The following FMN1 variants were observed in gnomAD, a reference collection of about 807,000 sequenced individuals.
FMN1 encodes formin-1.
FMN1 carries 110 observed loss-of-function variants against 132.4 expected under a neutral mutation model. That is an observed-to-expected ratio of 0.83 (90% CI 0.71 to 0.97). The LOEUF (loss-of-function observed/expected upper bound fraction) is 0.97. FMN1 is among the 50% of genes least tolerant of loss of function. FMN1 has a pLI of 0.00. For missense variants in FMN1, 1,792 were observed against 1,705.3 expected, an observed-to-expected ratio of 1.05 and a Z score of -0.90; for synonymous variants, 722 against 651.7, an observed-to-expected ratio of 1.11 and a Z score of -1.64.
At position 32,826,858 on chromosome 15, in the gene FMN1, A is replaced by G. The variant is rs534195284; in HGVS notation, c.3929-22526T>C. Among the ~76,000 whole-genome samples the G allele has an allele frequency of 1.6e-4, 24 of 152,324 alleles. No individual in the cohort carries two copies. In the East Asian group the frequency reaches 1.9e-3, roughly 12 times the overall value. On this transcript the variant is annotated intron_variant, in intron 17 of 20. Transcript: ENST00000616417. ...AGTTTTCCTAGCGCTGGCTCTTTCC[A>G]AAGCTACTCATTCTTATCTCCTTCA... is the stretch of plus-strand genomic sequence containing the variant.
intron 4 of FMN1, among the ~76,000 whole-genome samples, chr15:33,096,749 T>C (rs766299588): frequency 1.3e-5 from 2 of 152,044 alleles, no homozygotes; most frequent in African/African-American, 2.4e-5. Context: ...TGGGACCACA[T>C]GCACCACCAT....
intron 17 of FMN1, among the ~76,000 whole-genome samples, chr15:32,836,818 T>C (rs2058637639): frequency 1.3e-5 from 2 of 152,194 alleles, no homozygotes; most frequent in African/African-American, 4.8e-5. Context: ...AGTTTTCTGC[T>C]TCAAATACAA....
At chr15:32,809,170 G>A (rs2057785247) in intron 17 of FMN1, among the ~76,000 whole-genome samples, 2 of 152,102 alleles carry the variant, frequency 1.3e-5, no homozygotes, top group African/African-American at 4.8e-5. Context: ...ATGGAGTTCT[G>A]TAATCTTTGA....
At chr15:32,881,283 G>GTT (rs2059763946) in intron 16 of FMN1, among the ~76,000 whole-genome samples, 1 of 151,690 alleles carries the variant, frequency 6.6e-6, no homozygotes, top group South Asian at 2.1e-4. Flanking sequence ...TGTGGTACAT[G>GTT]TAAGTCTTAT....
intron 17 of FMN1, among the ~76,000 whole-genome samples, chr15:32,845,192 A>G (rs1423314844): frequency 6.6e-6 from 1 of 152,246 alleles, no homozygotes; most frequent in East Asian, 1.9e-4. Context: ...ATAGTTGTCA[A>G]GAATCCAAAG....
intron 19 of FMN1, among the ~76,000 whole-genome samples, chr15:32,786,493 G>A (rs191028843): frequency 6.1e-4 from 93 of 152,138 alleles, no homozygotes; most frequent in African/African-American, 2.1e-3. Flanking sequence ...CAGAAAAGGG[G>A]TATATAGAGC....
intron 4 of FMN1, chr15:33,149,957 G>A (rs1209570594): frequency 2.0e-6 from 2 of 984,692 alleles, no homozygotes; most frequent in African/African-American, 1.7e-5. Context: ...CTCTTAATAA[G>A]TTGACATTAA....
At chr15:33,111,280 G>C (rs2039693148) in intron 4 of FMN1, among the ~76,000 whole-genome samples, 1 of 152,046 alleles carries the variant, frequency 6.6e-6, no homozygotes, top group African/African-American at 2.4e-5. Flanking sequence ...ACCTCAGTAG[G>C]ATACCACTTC....
chr15:32,797,676 A>C (rs1002858029), intron 19 of FMN1, among the ~76,000 whole-genome samples: 1 of 152,156 alleles, frequency 6.6e-6, no homozygotes, highest in South Asian at 2.1e-4. Flanking sequence ...TGATGGGAAG[A>C]TGTGTTGATA....
At chr15:32,991,784 C>T (rs78125868) in intron 7 of FMN1, among the ~76,000 whole-genome samples, 2,077 of 152,222 alleles carry the variant, frequency 0.014, 44 homozygotes, top group African/African-American at 0.048. Flanking sequence ...CAAGGGCAAA[C>T]AATGTGGAGG....
intron 16 of FMN1, among the ~76,000 whole-genome samples, chr15:32,887,011 C>T (rs189026232): frequency 1.1e-4 from 17 of 152,012 alleles, no homozygotes; most frequent in Non-Finnish European, 1.3e-4. Flanking sequence ...AAAAAACCCA[C>T]GTTCCTTTAA....
intron 5 of FMN1, among the ~76,000 whole-genome samples, chr15:33,081,160 AG>A (rs2038439814): frequency 1.3e-5 from 2 of 152,154 alleles, no homozygotes; most frequent in Non-Finnish European, 2.9e-5. Flanking sequence ...GGTTCCATTA[AG>A]ACAAGAGCCT....
At chr15:32,855,567 A>G (rs1176783308) in intron 17 of FMN1, among the ~76,000 whole-genome samples, 1 of 152,230 alleles carries the variant, frequency 6.6e-6, no homozygotes, top group Non-Finnish European at 1.5e-5. Flanking sequence ...AATAAAATTC[A>G]CAATATAAGC....
chr15:33,005,159 T>C (rs2034347083), intron 7 of FMN1, among the ~76,000 whole-genome samples: 1 of 151,776 alleles, frequency 6.6e-6, no homozygotes, highest in Non-Finnish European at 1.5e-5. Context: ...CTGCACGTTG[T>C]GCATATGTAC....
At chr15:33,041,185 C>A (rs2036416807) in intron 6 of FMN1, among the ~76,000 whole-genome samples, 1 of 150,792 alleles carries the variant, frequency 6.6e-6, no homozygotes. Context: ...TCAAATATAC[C>A]AGTAATTAAA....
Position 32,975,010 on chromosome 15 carries a change from T to A in FMN1, c.2224-5533A>T, listed in dbSNP as rs114996203. 9.2e-4 allele frequency among the ~76,000 whole-genome samples: 140 copies of A among 152,348 alleles called. 1 individual carries two copies. The highest frequency in any genetic ancestry group is 3.4e-3 in the Middle Eastern group (1 of 294). On this transcript the variant is annotated intron_variant, in intron 7 of 20. Coordinates refer to ENST00000616417, the MANE Select transcript of FMN1 (RefSeq NM_001277313.2). Reference sequence around the variant, plus strand: ...CCCAGATATTTCCCTGCTCTTTTCCTATGCTATACCACTACAGATAACCAA... The same window carrying A: ...CCCAGATATTTCCCTGCTCTTTTCCAATGCTATACCACTACAGATAACCAA...
chr15:33,151,755 G>A (rs1028185847), intron 4 of FMN1, among the ~76,000 whole-genome samples: 3 of 151,644 alleles, frequency 2.0e-5, no homozygotes, highest in Non-Finnish European at 2.9e-5. Flanking sequence ...CTCAGCATCC[G>A]ACAGGAGAAA....
intron 17 of FMN1, among the ~76,000 whole-genome samples, chr15:32,822,254 C>A (rs1398864110): frequency 6.6e-6 from 1 of 152,100 alleles, no homozygotes; most frequent in Admixed American, 6.6e-5. Context: ...GAAGCTGAGG[C>A]AGGAGAATCA....
At position 33,136,430 on chromosome 15, in the gene FMN1, C is replaced by T. The variant is rs151301933; in HGVS notation, c.1867+16618G>A. Among the ~76,000 whole-genome samples, 229 of 152,292 alleles carry T rather than the reference C, an allele frequency of 1.5e-3. 1 individual carries two copies. The highest frequency in any genetic ancestry group is 5.1e-3 in the African/African-American group (210 of 41,566). On this transcript the variant is annotated intron_variant, in intron 4 of 20. Transcript: ENST00000616417. ...GTATAACCATAAACACAGAGACAGACGTGTTTGGGAAGAGCTTCAAATAGG... is the reference window on the plus strand; with the variant it reads ...GTATAACCATAAACACAGAGACAGATGTGTTTGGGAAGAGCTTCAAATAGG...
Sources: gnomAD v4.1 joint callset for allele counts (sites outside exome capture counted in the v4.1 genomes callset) on GRCh38, gnomAD v4.1.1 for gene constraint, MANE v1.5 for transcripts, NCBI Gene and HGNC (gene_info 2026-07-23, HGNC 2026-07-21) for gene names.